Variants in NOMO2 observed in about 807,000 individuals in gnomAD.
The protein encoded by NOMO2 is NODAL modulator 2.
In NOMO2, 14 loss-of-function variants were observed where a neutral mutation model predicts 67.1. The observed-to-expected ratio is 0.21, with a 90% CI of 0.14 to 0.33. The LOEUF is 0.33. Among genes scored for constraint, NOMO2 ranks in the 10% least tolerant of loss-of-function variants. The pLI, the probability that NOMO2 is intolerant of heterozygous loss-of-function variation, is 1.00. For synonymous variants in NOMO2, 80 were observed against 305.9 expected (o/e 0.26, Z 7.71); for missense variants, 178 against 761.0 (o/e 0.23, Z 9.01).
chr16:18,529,454 C>G lies in NOMO2; in HGVS notation c.1806+47G>C, dbSNP rs375925185. Reference sequence around the variant, plus strand: ...GGATGTTAGTCTTTCTTGACATCCACAAGGCGAGCGCTTTTCCAAATAAGA... The same window carrying G: ...GGATGTTAGTCTTTCTTGACATCCAGAAGGCGAGCGCTTTTCCAAATAAGA... On this transcript the variant is annotated intron_variant, in intron 15 of 30. Transcript: ENST00000622306. The G allele has an allele frequency of 1.7e-5, 27 of 1,611,564 alleles. No individual in the cohort carries two copies. In the African/African-American group the frequency reaches 2.4e-4, roughly 14 times the overall value.
chr16:18,552,469 G>GCA (rs201636709), intron 3 of NOMO2, among the ~76,000 whole-genome samples: 48,071 of 97,242 alleles, frequency 0.49, 11,378 homozygotes, highest in Non-Finnish European at 0.58. Context: ...ACGCGTACAT[G>GCA]CACACACACA....
At chr16:18,529,775 C>T (rs1901253253) in intron 14 of NOMO2, 138 bp from the exon 15 acceptor site, 1 of 620,496 alleles carries the variant, frequency 1.6e-6, no homozygotes, top group African/African-American at 1.8e-5. Context: ...GAAATATACA[C>T]ATACATATAT....
At chr16:18,559,697 G>A (rs1218378754) in intron 1 of NOMO2, among the ~76,000 whole-genome samples, 1 of 151,906 alleles carries the variant, frequency 6.6e-6, no homozygotes, top group Non-Finnish European at 1.5e-5. Flanking sequence ...CACCAGCCTA[G>A]ACCGGTTAGG....
intron 2 of NOMO2, among the ~76,000 whole-genome samples, chr16:18,556,295 AC>A (rs1323968123): frequency 6.6e-6 from 1 of 151,754 alleles, no homozygotes; most frequent in Admixed American, 6.6e-5. Flanking sequence ...TACTAAAAAT[AC>A]AAAAAAAGTT....
intron 2 of NOMO2, among the ~76,000 whole-genome samples, chr16:18,556,466 G>A (rs1047106775): frequency 6.0e-4 from 89 of 149,472 alleles, no homozygotes; most frequent in African/African-American, 2.2e-3. Context: ...AAAGTCAGTA[G>A]ATCTATCTAT....
chr16:18,528,364 G>C (rs1162233813), intron 15 of NOMO2, among the ~76,000 whole-genome samples: 2 of 151,912 alleles, frequency 1.3e-5, no homozygotes, highest in Admixed American at 1.3e-4. Context: ...TTATGAACCG[G>C]ATATTAATCG....
intron 1 of NOMO2, among the ~76,000 whole-genome samples, chr16:18,559,362 G>A (rs1901986112): frequency 6.6e-6 from 1 of 151,606 alleles, no homozygotes; most frequent in African/African-American, 2.4e-5. Context: ...AGTTGGGTCT[G>A]ATGCACCTAA....
chr16:18,559,670 T>C (rs62044030), intron 1 of NOMO2, among the ~76,000 whole-genome samples: 4,028 of 151,816 alleles, frequency 0.027, 95 homozygotes, highest in Non-Finnish European at 0.039. Flanking sequence ...ATGCATTTAG[T>C]GCAGGGACTG....
At chr16:18,539,361 G>A (rs1430584692) in intron 9 of NOMO2, among the ~76,000 whole-genome samples, 5 of 151,638 alleles carry the variant, frequency 3.3e-5, no homozygotes, top group Non-Finnish European at 7.4e-5. Flanking sequence ...TGGATGCCCC[G>A]CCCCGCTCCT....
At chr16:18,535,949 A>G (rs1455260920) in intron 11 of NOMO2, among the ~76,000 whole-genome samples, 1 of 151,908 alleles carries the variant, frequency 6.6e-6, no homozygotes, top group East Asian at 1.9e-4. Context: ...GGAACGCATC[A>G]CCATGCCCCG....
At position 18,527,623 on chromosome 16, in the gene NOMO2, T is replaced by C; in HGVS notation, c.1808A>G (p.Glu603Gly). 1 of 871,344 alleles carries C rather than the reference T, an allele frequency of 1.1e-6. No homozygotes were observed. The highest frequency in any genetic ancestry group is 2.9e-4 in the Middle Eastern group (1 of 3,444). 54.0% of individuals were successfully genotyped at this position (871,344 alleles called of 1,614,324 possible). The change falls in exon 16 of 31, where the codon GAA (glutamate) becomes GGA (glycine). Residue 603 changes from glutamate (E) to glycine (G), a missense_variant and splice_region_variant. Coordinates refer to ENST00000622306, the MANE Select transcript of NOMO2 (RefSeq NM_173614.4). ...ACGCCCATTTCCATCCTGATAAAAT[T>C]CCTAAGGGAGCAAAGCCAATACAAT... is the stretch of plus-strand genomic sequence containing the variant. ...RCSLSHAITL[E>G]FYQDGNGREN...
At chr16:18,543,189 T>A (rs1400172891) in intron 7 of NOMO2, among the ~76,000 whole-genome samples, 4 of 148,880 alleles carry the variant, frequency 2.7e-5, no homozygotes, top group African/African-American at 7.3e-5. Context: ...GAATTTTTTT[T>A]TTTTTTTTTT....
At chr16:18,545,515 C>T (rs1475687073) in intron 6 of NOMO2, among the ~76,000 whole-genome samples, 2 of 150,290 alleles carry the variant, frequency 1.3e-5, no homozygotes, top group East Asian at 2.0e-4. Flanking sequence ...GTGCGTAAAA[C>T]CTACAGAGTA....
At chr16:18,539,037 G>A in intron 9 of NOMO2, 73 bp from the exon 10 acceptor site, 1 of 1,264,380 alleles carries the variant, frequency 7.9e-7, no homozygotes, top group Non-Finnish European at 1.1e-6. Flanking sequence ...TCCTTCTGCT[G>A]CGCCGGCCAC....
chr16:18,561,149 T>C (rs1902028624), intron 1 of NOMO2, among the ~76,000 whole-genome samples: 2 of 93,388 alleles, frequency 2.1e-5, no homozygotes, highest in Admixed American at 3.2e-4. Context: ...CTGATAAACA[T>C]TTAACAGGAC....
rs573653517 is a variant in NOMO2, at chr16:18,535,483, T to C, written c.1221-2304A>G. Among the ~76,000 whole-genome samples, 225 of 152,118 alleles carry C rather than the reference T, an allele frequency of 1.5e-3. 2 individuals carry two copies. The highest frequency in any genetic ancestry group is 5.3e-3 in the African/African-American group (221 of 41,508). ...TACTTTAAAGGAGAAAATAAATATA[T>C]TTCCTCCATCTCTGTGAACAGCGCC... On this transcript the variant is annotated intron_variant, in intron 11 of 30. Coordinates refer to ENST00000622306, the MANE Select transcript of NOMO2 (RefSeq NM_173614.4).
chr16:18,543,237 GGC>G (rs1901588150), intron 7 of NOMO2, among the ~76,000 whole-genome samples: 1 of 146,214 alleles, frequency 6.8e-6, no homozygotes, highest in Non-Finnish European at 1.5e-5. Context: ...GGAGTGCAGT[GGC>G]GTGATCTTGG....
chr16:18,531,727 C>A lies in NOMO2; in HGVS notation c.1396-120G>T. The A allele has an allele frequency of 2.6e-6, 4 of 1,542,606 alleles. 1 individual carries two copies. Among genetic ancestry groups the A allele is most frequent in the South Asian group, 2.5e-5 (2 of 79,800 alleles). On this transcript the variant is annotated intron_variant, in intron 12 of 30. Transcript: ENST00000622306. ...AAAGAGATTTTGAAGGCCAAAGGTT[C>A]GTTTCCAGGCCAATTTTACAATCAC...
intron 1 of NOMO2, among the ~76,000 whole-genome samples, chr16:18,559,369 C>T (rs1306054468): frequency 6.6e-6 from 1 of 151,634 alleles, no homozygotes; most frequent in Non-Finnish European, 1.5e-5. Context: ...TCTGATGCAC[C>T]TAAAAGCCTC....
Sources: gnomAD v4.1 joint callset for allele counts (sites outside exome capture counted in the v4.1 genomes callset) on GRCh38, gnomAD v4.1.1 for gene constraint, MANE v1.5 for transcripts, NCBI Gene and HGNC (gene_info 2026-07-23, HGNC 2026-07-21) for gene names.